The following GTF3C1 variants were observed in gnomAD, a reference collection of about 807,000 sequenced individuals.
The protein encoded by GTF3C1 is general transcription factor 3C polypeptide 1.
A neutral mutation model predicts 226.7 loss-of-function variants in GTF3C1; 57 were observed. That is an observed-to-expected ratio of 0.25 (90% CI 0.20 to 0.31). GTF3C1 has a LOEUF of 0.31. GTF3C1 is among the 10% of genes least tolerant of loss of function. GTF3C1 has a pLI of 1.00. For missense variants in GTF3C1, 2,217 were observed against 2,776.1 expected (o/e 0.80, Z 4.53); for synonymous variants, 1,090 against 1,084.8 (o/e 1.00, Z -0.09).
Position 27,462,644 on chromosome 16 carries a change from T to C in GTF3C1, c.5925-158A>G. 1 of 618,726 alleles carries C rather than the reference T, an allele frequency of 1.6e-6. No individual in the cohort carries two copies. Among genetic ancestry groups the C allele is most frequent in the South Asian group, 1.9e-5 (1 of 52,226 alleles). 38.3% of individuals were successfully genotyped at this position (618,726 alleles called of 1,614,324 possible). A position where few individuals can be genotyped will look rare whatever the true frequency, so the allele number is the denominator to read the frequency against. ...CTGCTTTCCAAACTCCCTGCTTCTC[T>C]CCTGTCTGGACAGAGGGGCCCTTGA... is the stretch of plus-strand genomic sequence containing the variant. On this transcript the variant is annotated intron_variant, in intron 35 of 36. Coordinates refer to ENST00000356183, the MANE Select transcript of GTF3C1 (RefSeq NM_001520.4). The surrounding 1 kb of genome is among the most constrained non-coding windows in gnomAD (Gnocchi z 4.5).
Position 27,476,553 on chromosome 16 carries a change from G to C in GTF3C1, c.4260-9C>G, listed in dbSNP as rs746320893. ...AGTGGATGTCATCCACGCTGAAAGAGAGGGGGCAGCAGGGCACCATGAGAC... is the reference window on the plus strand; with the variant it reads ...AGTGGATGTCATCCACGCTGAAAGACAGGGGGCAGCAGGGCACCATGAGAC... On this transcript the variant is annotated splice_polypyrimidine_tract_variant and intron_variant, in intron 28 of 36. Coordinates refer to ENST00000356183, the MANE Select transcript of GTF3C1 (RefSeq NM_001520.4). The C allele has an allele frequency of 1.9e-6, 3 of 1,555,678 alleles. No individual in the cohort carries two copies. The highest frequency in any genetic ancestry group is 1.7e-5 in the Admixed American group (1 of 59,716).
rs1357898604 is a variant in GTF3C1 at position 27,489,043 on chromosome 16, C to A, written c.3429G>T (p.Lys1143Asn). The part of the protein sequence containing the change: ...WTSYIINQAK[K>N]ENTAAENGLT... ...GTAGTCCGGTGTGACGCACACCCAC[C>A]TTTTTGGCCTGGTTGATGATGTAGC... The change falls in exon 21 of 37, where the codon AAG becomes AAT. Residue 1143 changes from lysine (K) to asparagine (N), a missense_variant and splice_region_variant. By Grantham distance (94) the Lys-to-Asn change is moderately conservative (BLOSUM62 0). Around this residue, in one of 12 missense-constraint regions of GTF3C1, gnomAD observed 546 missense variants for 663.0 expected, o/e 0.82. Transcript: ENST00000356183. The A allele has an allele frequency of 6.2e-7, 1 of 1,613,716 alleles. No homozygotes were observed. Among genetic ancestry groups the A allele is most frequent in the Non-Finnish European group, 8.5e-7 (1 of 1,179,848 alleles).
intron 11 of GTF3C1, among the ~76,000 whole-genome samples, chr16:27,502,323 G>A (rs1267412495): frequency 1.3e-5 from 2 of 152,090 alleles, no homozygotes; most frequent in African/African-American, 4.8e-5. Context: ...TGCCTCAGAA[G>A]CGTTGAAGAT....
intron 28 of GTF3C1, 148 bp downstream of exon 28, chr16:27,478,321 A>G: frequency 1.6e-6 from 1 of 641,216 alleles, no homozygotes; most frequent in Non-Finnish European, 2.9e-6. Flanking sequence ...CAACATACAG[A>G]ATGGGCATGG....
chr16:27,476,309 A>T (rs2087949060), intron 29 of GTF3C1, 142 bp downstream of exon 29: 1 of 588,636 alleles, frequency 1.7e-6, no homozygotes. Flanking sequence ...ATAAAAAAAT[A>T]AAGTTGAAAG....
Position 27,493,234 on chromosome 16 carries a change from G to A in GTF3C1, c.2841C>T (p.Leu947=), listed in dbSNP as rs2088259551. ...PLKKHTLIRF[L]PRPIRQQLLY... ...GAAGCTGCTGCCGAATGGGCCTGGG[G>A]AGAAAGCGGATCAGCGTGTGCTTCT... The change falls in exon 17 of 37, where the codon CTC becomes CTT. Residue 947 remains leucine (L), a synonymous_variant. Transcript: ENST00000356183. The A allele has an allele frequency of 6.2e-7, 1 of 1,611,840 alleles. No individual in the cohort carries two copies. Among genetic ancestry groups the A allele is most frequent in the Non-Finnish European group, 8.5e-7 (1 of 1,178,028 alleles).
intron 2 of GTF3C1, among the ~76,000 whole-genome samples, chr16:27,539,322 T>A (rs2089049342): frequency 2.6e-5 from 4 of 152,178 alleles, no homozygotes; most frequent in Admixed American, 2.6e-4. Flanking sequence ...TGAGAAAGAA[T>A]GCACCAAAAG....
chr16:27,464,053 A>C (rs1165468593), intron 34 of GTF3C1: 5 of 445,428 alleles, frequency 1.1e-5, no homozygotes, highest in Non-Finnish European at 1.9e-5. Context: ...CAGCCGCTGC[A>C]GTGCACACGC....
At chr16:27,482,385 T>C (rs535824591) in intron 26 of GTF3C1, 9 of 434,060 alleles carry the variant, frequency 2.1e-5, no homozygotes, top group African/African-American at 1.8e-4. Context: ...TAGGTTTTTC[T>C]GTCACTTCCA....
At chr16:27,465,679 G>A in intron 32 of GTF3C1, 139 bp from the exon 33 acceptor site, 1 of 677,188 alleles carries the variant, frequency 1.5e-6, no homozygotes. Context: ...TCACCTGCTG[G>A]GTGGACACAC....
Position 27,545,391 on chromosome 16 carries a change from C to G in GTF3C1, c.354G>C (p.Lys118Asn). 1 of 1,613,860 alleles carries G rather than the reference C, an allele frequency of 6.2e-7. No homozygotes were observed. Among genetic ancestry groups the G allele is most frequent in the Non-Finnish European group, 8.5e-7 (1 of 1,179,730 alleles). Reference sequence around the variant, plus strand: ...TGTCATTGGTAATGTTTTTCCTCTCCTTAAAGTAGCGGCATGAGCCCTGGA... The same window carrying G: ...TGTCATTGGTAATGTTTTTCCTCTCGTTAAAGTAGCGGCATGAGCCCTGGA... ...DGIQGSCRYFKERKNITNDIR... is the reference protein window; with the variant it reads ...DGIQGSCRYFNERKNITNDIR... Residue 118 changes from lysine to asparagine, a missense_variant, in exon 2 of 37, where the codon AAG becomes AAC. By Grantham distance (94) the Lys-to-Asn change is moderately conservative. Around this residue, in one of 12 missense-constraint regions of GTF3C1, gnomAD observed 192 missense variants for 251.8 expected, o/e 0.76. Transcript: ENST00000356183.
rs537592193 is a variant in GTF3C1 at position 27,462,086 on chromosome 16, C to A, written c.6117+208G>T. 16 of 577,434 alleles carry A rather than the reference C, an allele frequency of 2.8e-5. No individual in the cohort carries two copies. The highest frequency in any genetic ancestry group is 1.2e-4 in the Admixed American group (4 of 33,608). 35.8% of individuals were successfully genotyped at this position (577,434 alleles called of 1,614,324 possible). On this transcript the variant is annotated intron_variant, in intron 36 of 36. Coordinates refer to ENST00000356183, the MANE Select transcript of GTF3C1 (RefSeq NM_001520.4). The surrounding 1 kb of genome is among the most constrained non-coding windows in gnomAD (Gnocchi z 4.5). ...ATCAGAGACAAGCACCCCGGGCACC[C>A]CATCTTCCAGCCTGGTCAGCAGCAT...
At chr16:27,545,688 T>C (rs976651451) in intron 1 of GTF3C1, among the ~76,000 whole-genome samples, 165 bp from the exon 2 acceptor site, 3 of 152,180 alleles carry the variant, frequency 2.0e-5, no homozygotes, top group Admixed American at 2.0e-4. Flanking sequence ...TTCCTGCCTT[T>C]CTATCCCACA....
Position 27,488,415 on chromosome 16 carries a change from C to A in GTF3C1, c.3512G>T (p.Gly1171Val). The change falls in exon 23 of 37, where the codon GGC becomes GTC. Residue 1171 changes from glycine to valine, a missense_variant and splice_region_variant. By Grantham distance (109) the Gly-to-Val change is moderately radical. This residue lies in a region of GTF3C1 where 546 missense variants were observed against 663.0 expected (regional missense o/e 0.82). Transcript: ENST00000356183. ...CCCCCAAATATTCAACCTGCTGTTG[C>A]CTAGACATAATCACAGGAGACAACA... ...SKRPMPLSAR[G>V]NSRLNIWGEA... 6.2e-7 allele frequency: 1 copy of A among 1,608,298 alleles called. No homozygotes were observed. The highest frequency in any genetic ancestry group is 8.5e-7 in the Non-Finnish European group (1 of 1,174,788).
chr16:27,512,196 C>A (rs1437463267), intron 6 of GTF3C1, among the ~76,000 whole-genome samples: 1 of 152,206 alleles, frequency 6.6e-6, no homozygotes, highest in Non-Finnish European at 1.5e-5. Flanking sequence ...TCACCTTCTC[C>A]TGCTGGAGAC....
intron 7 of GTF3C1, among the ~76,000 whole-genome samples, chr16:27,511,318 C>T (rs766483023): frequency 6.6e-6 from 1 of 152,242 alleles, no homozygotes; most frequent in Non-Finnish European, 1.5e-5. Flanking sequence ...GGCTCTCCAG[C>T]CTTAGGTAAC....
intron 32 of GTF3C1, among the ~76,000 whole-genome samples, chr16:27,467,694 A>T (rs1022058942): frequency 6.6e-6 from 1 of 152,060 alleles, no homozygotes; most frequent in African/African-American, 2.4e-5. Flanking sequence ...ACATGGTAAA[A>T]CACCATCTCT....
At chr16:27,537,680 T>C (rs765503311) in intron 4 of GTF3C1, 104 bp downstream of exon 4, 1 of 775,850 alleles carries the variant, frequency 1.3e-6, no homozygotes, top group Non-Finnish European at 2.1e-6. Context: ...AGGGCTATGA[T>C]TACAGGTATG....
intron 10 of GTF3C1, among the ~76,000 whole-genome samples, chr16:27,505,318 T>C (rs1169703730): frequency 6.6e-6 from 1 of 152,268 alleles, no homozygotes; most frequent in Non-Finnish European, 1.5e-5. Flanking sequence ...CAAATGATAT[T>C]GGCCATTTAT....
Sources: gnomAD v4.1 joint callset for allele counts (sites outside exome capture counted in the v4.1 genomes callset) on GRCh38, gnomAD v4.1.1 for gene constraint, gnomAD v4.1.1 regional missense constraint, Gnocchi (gnomAD v3.1) non-coding constraint, MANE v1.5 for transcripts, NCBI Gene and HGNC (gene_info 2026-07-23, HGNC 2026-07-21) for gene names.